The following TRIB1 variants were observed in gnomAD, a reference collection of about 807,000 sequenced individuals.
TRIB1 encodes the protein tribbles pseudokinase 1.
TRIB1 carries 12 observed loss-of-function variants against 27.8 expected under a neutral mutation model. The ratio of observed to expected loss-of-function variants is 0.43; its 90% CI spans 0.28 to 0.70. The LOEUF is 0.70. Among genes scored for constraint, TRIB1 ranks in the 30% least tolerant of loss-of-function variants. TRIB1 has a pLI of 0.18. For synonymous variants in TRIB1, 230 were observed against 224.9 expected (o/e 1.02, Z -0.20); for missense variants, 475 against 515.8 (o/e 0.92, Z 0.77).
chr8:125,434,630 A>C (rs916678903), intron 2 of TRIB1, among the ~76,000 whole-genome samples: 3 of 152,230 alleles, frequency 2.0e-5, no homozygotes, highest in African/African-American at 7.2e-5. Context: ...CATTTTCTGA[A>C]ACATGCCTTA....
Position 125,436,576 on chromosome 8 carries a change from G to A in TRIB1, c.*105G>A. 1 of 1,111,546 alleles carries A rather than the reference G, an allele frequency of 9.0e-7. No individual in the cohort carries two copies. 68.9% of individuals were successfully genotyped at this position (1,111,546 alleles called of 1,614,324 possible). A position where few individuals can be genotyped will look rare whatever the true frequency, so the allele number is the denominator to read the frequency against. ...TACCAACCAGATAATGACTGCATCAGGATGAAAGCTGCTGAACTCGGCATG... is the reference window on the plus strand; with the variant it reads ...TACCAACCAGATAATGACTGCATCAAGATGAAAGCTGCTGAACTCGGCATG... On this transcript the variant is annotated 3_prime_UTR_variant, in exon 3 of 3. Coordinates refer to ENST00000311922, the MANE Select transcript of TRIB1 (RefSeq NM_025195.4).
rs996242133 is a variant in TRIB1, at chr8:125,433,418, C to G, written c.462C>G (p.Thr154=). ...TGIVEVILGE[T]KAYVFFEKDF... is the part of the protein sequence containing the mutation. ...TTGTGGAAGTGATCCTTGGGGAAACCAAGGCCTATGTCTTCTTTGAGAAGG... is the reference window on the plus strand; with the variant it reads ...TTGTGGAAGTGATCCTTGGGGAAACGAAGGCCTATGTCTTCTTTGAGAAGG... Residue 154 remains threonine, a synonymous_variant, in exon 2 of 3, where the codon ACC becomes ACG. Coordinates refer to ENST00000311922, the MANE Select transcript of TRIB1 (RefSeq NM_025195.4). The surrounding 1 kb of genome is among the most constrained non-coding windows in gnomAD (Gnocchi z 4.4). The G allele has an allele frequency of 1.2e-6, 2 of 1,614,214 alleles. No homozygotes were observed. The highest frequency in any genetic ancestry group is 1.7e-5 in the Admixed American group (1 of 60,024).
At position 125,436,385 on chromosome 8, in the gene TRIB1, G is replaced by A. The variant is rs1025680568; in HGVS notation, c.1033G>A (p.Gly345Arg). 8 of 1,613,462 alleles carry A rather than the reference G, an allele frequency of 5.0e-6. 1 individual carries two copies. Among genetic ancestry groups the A allele is most frequent in the African/African-American group, 2.7e-5 (2 of 74,792 alleles). The change falls in exon 3 of 3, where the codon GGG becomes AGG. Residue 345 changes from glycine (G) to arginine (R), a missense_variant. Physicochemically the swap from Gly to Arg is moderately radical, Grantham distance 125 (BLOSUM62 -2). Coordinates refer to ENST00000311922, the MANE Select transcript of TRIB1 (RefSeq NM_025195.4). ...HPWFESVLEP[G>R]YIDSEIGTSD... is the part of the protein sequence containing the mutation. ...CTGGTTTGAGTCCGTCTTGGAACCCGGGTACATCGACTCAGAAATAGGAAC... is the reference window on the plus strand; with the variant it reads ...CTGGTTTGAGTCCGTCTTGGAACCCAGGTACATCGACTCAGAAATAGGAAC...
In TRIB1 at chr8:125,437,127, G is replaced by C. The variant is rs975078341; in HGVS notation, c.*656G>C. ...GCACTAATGCCTTCTCCCTGACCTT[G>C]ACACTTCCCCCTTTAGCTATAAAAG... On this transcript the variant is annotated 3_prime_UTR_variant, in exon 3 of 3. Transcript: ENST00000311922. 1 of 152,494 alleles carries C rather than the reference G, an allele frequency of 6.6e-6. No homozygotes were observed. The highest frequency in any genetic ancestry group is 1.5e-5 in the Non-Finnish European group (1 of 68,222). 9.4% of individuals were successfully genotyped at this position (152,494 alleles called of 1,614,324 possible). A position where few individuals can be genotyped will look rare whatever the true frequency, so the allele number is the denominator to read the frequency against.
At position 125,436,495 on chromosome 8, in the gene TRIB1, T is replaced by G. The variant is rs899839141; in HGVS notation, c.*24T>G. On this transcript the variant is annotated 3_prime_UTR_variant, in exon 3 of 3. Coordinates refer to ENST00000311922, the MANE Select transcript of TRIB1 (RefSeq NM_025195.4). The stretch of plus-strand genomic sequence containing the variant: ...AATCCCCAAAACCTCAGAAACCTCA[T>G]AATTCTTAACACCTGGCATTTCCAT... 1.9e-6 allele frequency: 3 copies of G among 1,605,850 alleles called. No homozygotes were observed. The highest frequency in any genetic ancestry group is 2.6e-6 in the Non-Finnish European group (3 of 1,173,898).
rs2129820051 is a variant in TRIB1 at position 125,436,741 on chromosome 8, G to A, written c.*270G>A. The A allele has an allele frequency of 1.9e-6, 1 of 531,504 alleles. No individual in the cohort carries two copies. The highest frequency in any genetic ancestry group is 3.2e-5 in the East Asian group (1 of 31,052). 32.9% of individuals were successfully genotyped at this position (531,504 alleles called of 1,614,324 possible). ...TGGATTTGGGAGTTCCGCATCTTTTGTGGAGGGCAGAGTATGGACATCTTA... is the reference window on the plus strand; with the variant it reads ...TGGATTTGGGAGTTCCGCATCTTTTATGGAGGGCAGAGTATGGACATCTTA... On this transcript the variant is annotated 3_prime_UTR_variant, in exon 3 of 3. Coordinates refer to ENST00000311922, the MANE Select transcript of TRIB1 (RefSeq NM_025195.4).
chr8:125,432,283 C>T (rs1814670378), intron 1 of TRIB1: 1 of 979,498 alleles, frequency 1.0e-6, no homozygotes, highest in Non-Finnish European at 1.2e-6. Context: ...AAAACCTTTT[C>T]TTCTCCATGA....
chr8:125,431,038 A>T lies in TRIB1; in HGVS notation c.136A>T (p.Lys46Ter). ...DADDAAAVAA[K>*]CPRLSECSSP... Reference sequence around the variant, plus strand: ...CGACGACGCGGCGGCTGTGGCGGCCAAGTGCCCGCGCCTCTCCGAGTGCTC... The same window carrying T: ...CGACGACGCGGCGGCTGTGGCGGCCTAGTGCCCGCGCCTCTCCGAGTGCTC... The change falls in exon 1 of 3, where the codon AAG becomes TAG. Residue 46 changes from lysine to a stop codon, truncating the protein, a stop_gained. Transcript: ENST00000311922. LOFTEE classifies it high-confidence loss of function. 1 of 1,457,334 alleles carries T rather than the reference A, an allele frequency of 6.9e-7. No homozygotes were observed. 90.3% of individuals were successfully genotyped at this position (1,457,334 alleles called of 1,614,324 possible). A position where few individuals can be genotyped will look rare whatever the true frequency, so the allele number is the denominator to read the frequency against.
intron 1 of TRIB1, among the ~76,000 whole-genome samples, chr8:125,431,782 C>T (rs1586847228): frequency 6.6e-6 from 1 of 152,176 alleles, no homozygotes; most frequent in East Asian, 1.9e-4. Flanking sequence ...GAATTGAATC[C>T]GCGCTGAGAC....
chr8:125,431,349 T>G, intron 1 of TRIB1, 87 bp downstream of exon 1: 10 of 1,227,074 alleles, frequency 8.1e-6, no homozygotes, highest in Non-Finnish European at 9.2e-6. Flanking sequence ...GGCCAACGCT[T>G]GGGCTGGGCA....
rs770314650 is a variant in TRIB1, at chr8:125,431,026, G to A, written c.124G>A (p.Ala42Thr). Residue 42 changes from alanine to threonine, a missense_variant, in exon 1 of 3, where the codon GCT becomes ACT. By Grantham distance (58) the Ala-to-Thr change is moderately conservative. Transcript: ENST00000311922. ...KRLLDADDAA[A>T]VAAKCPRLSE... Reference sequence around the variant, plus strand: ...CCTGCTGGACGCCGACGACGCGGCGGCTGTGGCGGCCAAGTGCCCGCGCCT... The same window carrying A: ...CCTGCTGGACGCCGACGACGCGGCGACTGTGGCGGCCAAGTGCCCGCGCCT... The A allele has an allele frequency of 2.7e-6, 4 of 1,460,824 alleles. No individual in the cohort carries two copies. The highest frequency in any genetic ancestry group is 3.6e-6 in the Non-Finnish European group (4 of 1,114,428). 90.5% of individuals were successfully genotyped at this position (1,460,824 alleles called of 1,614,324 possible).
At position 125,433,174 on chromosome 8, in the gene TRIB1, G is replaced by A; in HGVS notation, c.361-143G>A. On this transcript the variant is annotated intron_variant, in intron 1 of 2. Transcript: ENST00000311922. The surrounding 1 kb of genome is among the most constrained non-coding windows in gnomAD (Gnocchi z 4.4). Reference sequence around the variant, plus strand: ...GGCAGCTGGGGCTGCGTAAGGTAAGGTGGCAGAGGAAAGGAGTAGGTGAAT... The same window carrying A: ...GGCAGCTGGGGCTGCGTAAGGTAAGATGGCAGAGGAAAGGAGTAGGTGAAT... 1.2e-6 allele frequency: 1 copy of A among 863,546 alleles called. No homozygotes were observed. Among genetic ancestry groups the A allele is most frequent in the South Asian group, 1.7e-5 (1 of 58,928 alleles). 53.5% of individuals were successfully genotyped at this position (863,546 alleles called of 1,614,324 possible).
At position 125,433,829 on chromosome 8, in the gene TRIB1, T is replaced by A. The variant is rs1460177687; in HGVS notation, c.653+220T>A. The A allele has an allele frequency of 5.5e-6, 3 of 546,518 alleles. No homozygotes were observed. The East Asian group carries it at 8.9e-5, about 16-fold the overall frequency. The allele number at this position is 546,518 out of a possible 1,614,324, so 33.9% of individuals were successfully genotyped here. ...GGGACACCGTGGCGCTTCTATGGGA[T>A]GGCAAGTGTTGACAGGGTGCTCTTC... On this transcript the variant is annotated intron_variant, in intron 2 of 2. Transcript: ENST00000311922. This position sits in a 1 kb window ranked among gnomAD's most constrained non-coding sequence, Gnocchi z 4.4.
chr8:125,434,324 A>G (rs1335730056), intron 2 of TRIB1, among the ~76,000 whole-genome samples: 2 of 152,156 alleles, frequency 1.3e-5, no homozygotes, highest in African/African-American at 4.8e-5. Flanking sequence ...GATAGACCAC[A>G]CTTGATTTTA....
At position 125,430,957 on chromosome 8, in the gene TRIB1, C is replaced by T. The variant is rs1390586417; in HGVS notation, c.55C>T (p.Pro19Ser). 4.1e-6 allele frequency: 6 copies of T among 1,472,938 alleles called. No individual in the cohort carries two copies. The highest frequency in any genetic ancestry group is 1.3e-5 in the South Asian group (1 of 76,900). The allele number at this position is 1,472,938 out of a possible 1,614,324, so 91.2% of individuals were successfully genotyped here. Residue 19 changes from proline to serine, a missense_variant, in exon 1 of 3, where the codon CCG becomes TCG. Pro to Ser is a moderately conservative substitution (Grantham distance 74). Transcript: ENST00000311922. ...GAGCGGCGCCTCGCAGCCCCGCGGC[C>T]CGGCCCTGCTCTTCCCAGCCACCCG... Reference protein sequence around the residue: ...AMSGASQPRGPALLFPATRGV... With the variant: ...AMSGASQPRGSALLFPATRGV...
intron 1 of TRIB1, among the ~76,000 whole-genome samples, chr8:125,431,611 C>A (rs1396044047): frequency 6.6e-6 from 1 of 152,246 alleles, no homozygotes; most frequent in Non-Finnish European, 1.5e-5. Context: ...TCTCCACCCC[C>A]CCTCCCCCGC....
Position 125,431,240 on chromosome 8 carries a change from C to T in TRIB1, c.338C>T (p.Thr113Ile). ...GTGTCCCGGGCGCTGTGCATCCACA[C>T]TGGACGCGAGCTGCGCTGCAAGGTA... ...EHVSRALCIH[T>I]GRELRCKVFP... The change falls in exon 1 of 3, where the codon ACT becomes ATT. Residue 113 changes from threonine (T) to isoleucine (I), a missense_variant. Coordinates refer to ENST00000311922, the MANE Select transcript of TRIB1 (RefSeq NM_025195.4). 1 of 1,267,112 alleles carries T rather than the reference C, an allele frequency of 7.9e-7. No homozygotes were observed. The highest frequency in any genetic ancestry group is 9.9e-7 in the Non-Finnish European group (1 of 1,007,670). The allele number at this position is 1,267,112 out of a possible 1,614,324, so 78.5% of individuals were successfully genotyped here.
chr8:125,436,639 G>A lies in TRIB1; in HGVS notation c.*168G>A. ...CTCTGTTGGGATGAGTGACTTTATTGATTTGAGCAGCATATGCTGTGATTG... is the reference window on the plus strand; with the variant it reads ...CTCTGTTGGGATGAGTGACTTTATTAATTTGAGCAGCATATGCTGTGATTG... On this transcript the variant is annotated 3_prime_UTR_variant, in exon 3 of 3. Coordinates refer to ENST00000311922, the MANE Select transcript of TRIB1 (RefSeq NM_025195.4). 2 of 679,336 alleles carry A rather than the reference G, an allele frequency of 2.9e-6. No individual in the cohort carries two copies. The highest frequency in any genetic ancestry group is 2.7e-5 in the East Asian group (1 of 36,898). The allele number at this position is 679,336 out of a possible 1,614,324, so 42.1% of individuals were successfully genotyped here.
In TRIB1 at chr8:125,433,817, G is replaced by A. The variant is rs1027705074; in HGVS notation, c.653+208G>A. Reference sequence around the variant, plus strand: ...GGACGGGGCCTGGGGACACCGTGGCGCTTCTATGGGATGGCAAGTGTTGAC... The same window carrying A: ...GGACGGGGCCTGGGGACACCGTGGCACTTCTATGGGATGGCAAGTGTTGAC... On this transcript the variant is annotated intron_variant, in intron 2 of 2. Coordinates refer to ENST00000311922, the MANE Select transcript of TRIB1 (RefSeq NM_025195.4). The surrounding 1 kb of genome is among the most constrained non-coding windows in gnomAD (Gnocchi z 4.4). 1.5e-4 allele frequency: 85 copies of A among 568,320 alleles called. No individual in the cohort carries two copies. Among genetic ancestry groups the A allele is most frequent in the African/African-American group, 1.3e-3 (71 of 53,624 alleles). 35.2% of individuals were successfully genotyped at this position (568,320 alleles called of 1,614,324 possible).
Sources: allele counts gnomAD v4.1 joint callset (sites outside exome capture counted in the v4.1 genomes callset), GRCh38; gene constraint gnomAD v4.1.1; non-coding constraint Gnocchi (gnomAD v3.1); transcripts MANE v1.5; gene names NCBI Gene and HGNC (gene_info 2026-07-23, HGNC 2026-07-21).